Variants in ZFHX3 observed in about 807,000 individuals in gnomAD.
The protein encoded by ZFHX3 is zinc finger homeobox 3.
Under a neutral mutation model 279.1 loss-of-function variants are expected in ZFHX3, and 42 were observed. The observed-to-expected ratio is 0.15, with a 90% CI of 0.12 to 0.19. The LOEUF is 0.19. Among genes scored for constraint, ZFHX3 ranks in the 10% least tolerant of loss-of-function variants. The pLI, the probability that ZFHX3 is intolerant of heterozygous loss-of-function variation, is 1.00. For synonymous variants in ZFHX3, 2,293 were observed against 1,957.8 expected (o/e 1.17, Z -4.52); for missense variants, 4,981 against 4,754.0 (o/e 1.05, Z -1.40).
intron 1 of ZFHX3, among the ~76,000 whole-genome samples, chr16:73,883,615 C>T (rs560668708): frequency 2.6e-5 from 4 of 151,840 alleles, no homozygotes; most frequent in Admixed American, 2.0e-4. Flanking sequence ...GCCAGAAAGG[C>T]GCGGTAAAAA....
intron 1 of ZFHX3, among the ~76,000 whole-genome samples, chr16:72,963,870 G>A (rs150652930): frequency 2.6e-5 from 4 of 152,314 alleles, no homozygotes; most frequent in African/African-American, 7.2e-5. Context: ...GTCGCACTGT[G>A]TAATTTTAAA....
chr16:73,700,666 A>C (rs2053238104), intron 1 of ZFHX3, among the ~76,000 whole-genome samples: 1 of 152,238 alleles, frequency 6.6e-6, no homozygotes, highest in African/African-American at 2.4e-5. Context: ...CAATTATTTA[A>C]AACACATGCC....
chr16:73,535,769 C>A (rs1401300918), intron 2 of ZFHX3, among the ~76,000 whole-genome samples: 1 of 147,608 alleles, frequency 6.8e-6, no homozygotes, highest in Non-Finnish European at 1.5e-5. Context: ...GTTAGCCAGG[C>A]TGGAGTGCAA....
At chr16:72,870,604 G>C (rs13334344) in intron 4 of ZFHX3, among the ~76,000 whole-genome samples, 1 of 150,498 alleles carries the variant, frequency 6.6e-6, no homozygotes, top group Non-Finnish European at 1.5e-5. Flanking sequence ...CTTAGTCCCA[G>C]CTACTTGGGA....
chr16:72,964,181 T>C (rs1293122685), intron 1 of ZFHX3, among the ~76,000 whole-genome samples: 6 of 152,134 alleles, frequency 3.9e-5, no homozygotes, highest in African/African-American at 1.4e-4. Context: ...TCCCTCCCCG[T>C]TGACTCAACA....
At chr16:73,738,254 C>T (rs1002616462) in intron 1 of ZFHX3, among the ~76,000 whole-genome samples, 1 of 152,114 alleles carries the variant, frequency 6.6e-6, no homozygotes, top group African/African-American at 2.4e-5. Context: ...AAAATAAAAC[C>T]CTTGCAGCAG....
At chr16:73,567,750 A>G (rs1287005310) in intron 2 of ZFHX3, among the ~76,000 whole-genome samples, 1 of 152,194 alleles carries the variant, frequency 6.6e-6, no homozygotes, top group African/African-American at 2.4e-5. Context: ...TAATTAAGAC[A>G]TGACTCACAG....
chr16:73,677,882 A>C (rs990703470), intron 2 of ZFHX3, among the ~76,000 whole-genome samples: 1 of 152,050 alleles, frequency 6.6e-6, no homozygotes, highest in Admixed American at 6.6e-5. Context: ...TATTTCTGGT[A>C]CATAAGGATG....
intron 2 of ZFHX3, among the ~76,000 whole-genome samples, chr16:73,464,680 G>A (rs2018532865): frequency 6.6e-6 from 1 of 152,250 alleles, no homozygotes; most frequent in East Asian, 1.9e-4. Context: ...GTCTAAAGAC[G>A]GAGCTGCTTT....
intron 2 of ZFHX3, among the ~76,000 whole-genome samples, chr16:73,462,610 T>G (rs76206637): frequency 0.015 from 2,265 of 152,338 alleles, 50 homozygotes; most frequent in African/African-American, 0.052. Flanking sequence ...TAAGAGTTTT[T>G]ATCATGAATA....
intron 1 of ZFHX3, among the ~76,000 whole-genome samples, chr16:72,991,507 G>A (rs975973871): frequency 2.6e-5 from 4 of 152,222 alleles, no homozygotes; most frequent in African/African-American, 7.2e-5. Flanking sequence ...TATGATGGGT[G>A]TAGGATCATC....
chr16:73,817,399 A>G (rs1260441795), intron 1 of ZFHX3, among the ~76,000 whole-genome samples: 1 of 152,224 alleles, frequency 6.6e-6, no homozygotes, highest in East Asian at 1.9e-4. Flanking sequence ...ATATCCTGTC[A>G]TCACTAATCC....
At chr16:73,597,237 C>G (rs1184017037) in intron 2 of ZFHX3, among the ~76,000 whole-genome samples, 1 of 152,210 alleles carries the variant, frequency 6.6e-6, no homozygotes, top group South Asian at 2.1e-4. Flanking sequence ...TTCCATGACG[C>G]CTTCCCTGAT....
chr16:73,329,906 A>G (rs557756974), intron 3 of ZFHX3, among the ~76,000 whole-genome samples: 2 of 152,344 alleles, frequency 1.3e-5, no homozygotes, highest in Admixed American at 6.5e-5. Context: ...AAATTTCCAT[A>G]TTCATTATTC....
chr16:73,167,837 C>T (rs899723437), intron 5 of ZFHX3, among the ~76,000 whole-genome samples: 1 of 152,188 alleles, frequency 6.6e-6, no homozygotes, highest in Non-Finnish European at 1.5e-5. Context: ...CCCGCTTGAA[C>T]CTTTTCAGAC....
intron 1 of ZFHX3, among the ~76,000 whole-genome samples, chr16:73,746,427 C>G (rs2053704153): frequency 6.6e-6 from 1 of 152,178 alleles, no homozygotes; most frequent in Non-Finnish European, 1.5e-5. Context: ...TAGTTTTAAA[C>G]CACTCCCAGG....
intron 3 of ZFHX3, among the ~76,000 whole-genome samples, chr16:73,337,610 T>A (rs2015939106): frequency 6.6e-6 from 1 of 151,994 alleles, no homozygotes; most frequent in Non-Finnish European, 1.5e-5. Flanking sequence ...CGTCTTTGTC[T>A]CCATCCCTGC....
rs147232589 is a variant in ZFHX3 at position 72,989,606 on chromosome 16, A to G, written c.-49-29412T>C. Among the ~76,000 whole-genome samples the G allele has an allele frequency of 3.2e-3, 495 of 152,346 alleles. 1 individual carries two copies. Among genetic ancestry groups the G allele is most frequent in the African/African-American group, 0.012 (479 of 41,578 alleles). ...AGTCAACAATCCTTCAGTTGCTTCA[A>G]TGACAAAAACATACCACATACTTAT... is the stretch of plus-strand genomic sequence containing the variant. On this transcript the variant is annotated intron_variant, in intron 1 of 9. Coordinates refer to ENST00000268489, the MANE Select transcript of ZFHX3 (RefSeq NM_006885.4).
chr16:73,229,978 A>C (rs1287304491), intron 5 of ZFHX3, among the ~76,000 whole-genome samples: 1 of 152,226 alleles, frequency 6.6e-6, no homozygotes. Flanking sequence ...AGATACATGA[A>C]TGGATTAATG....
Sources: gnomAD v4.1 joint callset for allele counts (sites outside exome capture counted in the v4.1 genomes callset) on GRCh38, gnomAD v4.1.1 for gene constraint, MANE v1.5 for transcripts, NCBI Gene and HGNC (gene_info 2026-07-23, HGNC 2026-07-21) for gene names.